The following OSBPL6 variants were observed in gnomAD, a reference collection of about 807,000 sequenced individuals.
The protein encoded by OSBPL6 is oxysterol-binding protein-related protein 6.
Under a neutral mutation model 125.8 loss-of-function variants are expected in OSBPL6, and 49 were observed. That is an observed-to-expected ratio of 0.39 (90% CI 0.31 to 0.49). The LOEUF is 0.49. OSBPL6 is among the 20% of genes least tolerant of loss of function. The pLI, the probability that OSBPL6 is intolerant of heterozygous loss-of-function variation, is 0.88. For missense variants in OSBPL6, 986 were observed against 1,135.4 expected (o/e 0.87, Z 1.89); for synonymous variants, 394 against 391.8 (o/e 1.01, Z -0.07).
chr2:178,313,758 T>A (rs1010960297), intron 3 of OSBPL6, among the ~76,000 whole-genome samples: 6 of 152,158 alleles, frequency 3.9e-5, no homozygotes, highest in African/African-American at 9.7e-5. Context: ...CAGCAATGCA[T>A]TTCAAAACCA....
rs771148594 is a variant in OSBPL6, at chr2:178,373,913, T to C, written c.1419T>C (p.Ser473=). ...AGGCTGGTGAGCAAATCCATGTCAG[T>C]CTCCCCTTATCACAGCAAGTAGCCA... The part of the protein sequence containing the change: ...PDEAGEQIHV[S]LPLSQQVANE... The change falls in exon 15 of 25, where the codon AGT becomes AGC. Residue 473 remains serine, a synonymous_variant. Transcript: ENST00000190611. 2.2e-5 allele frequency: 36 copies of C among 1,613,874 alleles called. 2 individuals carry two copies. The South Asian group carries it at 3.8e-4, about 17-fold the overall frequency.
intron 23 of OSBPL6, 80 bp from the exon 24 acceptor site, chr2:178,394,233 A>AAAC: frequency 1.3e-6 from 2 of 1,546,812 alleles, no homozygotes; most frequent in Non-Finnish European, 1.8e-6. Flanking sequence ...AGCAATTAGA[A>AAAC]AACAATTTTG....
intron 12 of OSBPL6, among the ~76,000 whole-genome samples, chr2:178,353,847 G>A (rs1345654460): frequency 6.6e-6 from 1 of 152,192 alleles, no homozygotes; most frequent in Admixed American, 6.5e-5. Context: ...CCAAGAGAAA[G>A]GTCGGGTTAC....
intron 1 of OSBPL6, among the ~76,000 whole-genome samples, chr2:178,221,326 T>C (rs1219847830): frequency 6.6e-6 from 1 of 152,196 alleles, no homozygotes; most frequent in African/African-American, 2.4e-5. Flanking sequence ...TATTTTAGTG[T>C]AGGGTAGAAA....
intron 3 of OSBPL6, among the ~76,000 whole-genome samples, chr2:178,308,744 T>C (rs1291304902): frequency 6.6e-6 from 1 of 152,144 alleles, no homozygotes; most frequent in Non-Finnish European, 1.5e-5. Context: ...ATTCAATAGG[T>C]TAACAAGTCC....
intron 11 of OSBPL6, among the ~76,000 whole-genome samples, chr2:178,341,044 A>G (rs1255766885): frequency 6.6e-6 from 1 of 152,218 alleles, no homozygotes; most frequent in East Asian, 1.9e-4. Context: ...ATTACTTAAA[A>G]TTGCTTTTGG....
chr2:178,244,315 T>A (rs1447852203), intron 1 of OSBPL6, among the ~76,000 whole-genome samples: 1 of 152,200 alleles, frequency 6.6e-6, no homozygotes, highest in African/African-American at 2.4e-5. Context: ...TCCTCTCTTA[T>A]TTTTTCTCCT....
At chr2:178,209,251 A>G (rs1202368806) in intron 1 of OSBPL6, among the ~76,000 whole-genome samples, 2 of 151,778 alleles carry the variant, frequency 1.3e-5, no homozygotes, top group African/African-American at 4.8e-5. Flanking sequence ...TTCTGGATTC[A>G]TTGGTTCTTT....
chr2:178,372,314 A>T (rs1693467178), intron 14 of OSBPL6, 81 bp downstream of exon 14: 1 of 969,136 alleles, frequency 1.0e-6, no homozygotes, highest in African/African-American at 1.7e-5. Context: ...ATTTATATCC[A>T]GTTCTTTCAC....
intron 13 of OSBPL6, among the ~76,000 whole-genome samples, chr2:178,362,369 C>T (rs1042182313): frequency 1.3e-5 from 2 of 152,044 alleles, no homozygotes; most frequent in African/African-American, 4.8e-5. Flanking sequence ...TAGAGTTGAT[C>T]TTATTAATAC....
chr2:178,382,737 A>G, intron 16 of OSBPL6: 3 of 1,441,850 alleles, frequency 2.1e-6, no homozygotes, highest in Non-Finnish European at 2.7e-6. Flanking sequence ...TCTCAAACCA[A>G]CAGCTTGAGT....
At chr2:178,351,560 A>T (rs996228546) in intron 12 of OSBPL6, among the ~76,000 whole-genome samples, 1 of 152,244 alleles carries the variant, frequency 6.6e-6, no homozygotes, top group African/African-American at 2.4e-5. Context: ...CTATAAAAAA[A>T]ATTGGTGAAA....
intron 1 of OSBPL6, among the ~76,000 whole-genome samples, chr2:178,209,522 C>T (rs1395583666): frequency 6.9e-6 from 1 of 144,474 alleles, no homozygotes; most frequent in South Asian, 2.2e-4. Context: ...AGGTTATTGA[C>T]ATTTTCTGCT....
At chr2:178,310,463 A>G (rs910365329) in intron 3 of OSBPL6, among the ~76,000 whole-genome samples, 55 of 131,774 alleles carry the variant, frequency 4.2e-4, no homozygotes, top group Middle Eastern at 4.8e-3. Context: ...TGTTGCCCAG[A>G]CTGGAGTGCA....
At chr2:178,378,147 C>T (rs889886251) in intron 15 of OSBPL6, among the ~76,000 whole-genome samples, 6 of 152,076 alleles carry the variant, frequency 3.9e-5, no homozygotes, top group Non-Finnish European at 8.8e-5. Context: ...CCTTTTGTAT[C>T]CCTCTTTCCT....
intron 15 of OSBPL6, among the ~76,000 whole-genome samples, chr2:178,374,339 A>G (rs1293652982): frequency 6.6e-6 from 1 of 152,230 alleles, no homozygotes; most frequent in African/African-American, 2.4e-5. Context: ...AGCTGTTTAT[A>G]GAAGGAGACT....
chr2:178,360,168 G>A (rs1341612344), intron 12 of OSBPL6, among the ~76,000 whole-genome samples: 3 of 152,124 alleles, frequency 2.0e-5, no homozygotes, highest in Non-Finnish European at 4.4e-5. Context: ...TTTAAGTCAA[G>A]TATATATAGA....
intron 1 of OSBPL6, among the ~76,000 whole-genome samples, chr2:178,262,038 T>C (rs1008435525): frequency 6.6e-6 from 1 of 151,774 alleles, no homozygotes; most frequent in African/African-American, 2.4e-5. Flanking sequence ...AGAGGCAATG[T>C]GTAAGGCATT....
At chr2:178,213,947 G>T (rs2089979365) in intron 1 of OSBPL6, among the ~76,000 whole-genome samples, 1 of 152,084 alleles carries the variant, frequency 6.6e-6, no homozygotes, top group Non-Finnish European at 1.5e-5. Context: ...GCCCTCCCCA[G>T]TTGGTTAGTT....
Sources: allele counts gnomAD v4.1 joint callset (sites outside exome capture counted in the v4.1 genomes callset), GRCh38; gene constraint gnomAD v4.1.1; transcripts MANE v1.5; gene names NCBI Gene and HGNC (gene_info 2026-07-23, HGNC 2026-07-21).